Variants in CHRM3 observed in about 807,000 individuals in gnomAD.
The protein encoded by CHRM3 is cholinergic receptor muscarinic 3.
In CHRM3, 11 loss-of-function variants were observed where a neutral mutation model predicts 41.8. That is an observed-to-expected ratio of 0.26 (90% CI 0.17 to 0.44). The LOEUF (loss-of-function observed/expected upper bound fraction) is 0.44. CHRM3 is among the 20% of genes least tolerant of loss of function. CHRM3 has a pLI of 1.00. For synonymous variants in CHRM3, 297 were observed against 301.4 expected, an observed-to-expected ratio of 0.99 and a Z score of 0.15; for missense variants, 571 against 745.4, an observed-to-expected ratio of 0.77 and a Z score of 2.72.
chr1:239,797,391 A>C (rs1669872211), intron 5 of CHRM3, among the ~76,000 whole-genome samples: 1 of 150,534 alleles, frequency 6.6e-6, no homozygotes, highest in African/African-American at 2.5e-5. Context: ...ATAAAATAAA[A>C]GGGATACTCA....
chr1:239,773,969 T>G (rs957293882), intron 5 of CHRM3, among the ~76,000 whole-genome samples: 11 of 152,162 alleles, frequency 7.2e-5, no homozygotes, highest in Admixed American at 1.3e-4. Context: ...ACAGGAAGAT[T>G]CTACTGTGTT....
At chr1:239,424,149 G>T (rs929659220) in intron 1 of CHRM3, among the ~76,000 whole-genome samples, 2 of 151,530 alleles carry the variant, frequency 1.3e-5, no homozygotes, top group Admixed American at 1.3e-4. Flanking sequence ...TTTTAGTTGC[G>T]CAATGTGCTT....
chr1:239,733,137 T>C (rs1664102192), intron 5 of CHRM3, among the ~76,000 whole-genome samples: 1 of 152,074 alleles, frequency 6.6e-6, no homozygotes, highest in African/African-American at 2.4e-5. Flanking sequence ...CTTCTGTTTC[T>C]TGGTCATTTA....
rs376434592 is a variant in CHRM3, at chr1:239,551,704, G to A, written c.-313+5955G>A. ...CTAAAACAGTGTTTTAACACATGAC[G>A]CCCATCTTTGTTGCTTGCTGTAGAC... On this transcript the variant is annotated intron_variant, in intron 3 of 6. Transcript: ENST00000676153. Among the ~76,000 whole-genome samples, 6 of 152,178 alleles carry A rather than the reference G, an allele frequency of 3.9e-5. No individual in the cohort carries two copies. The East Asian group carries it at 5.8e-4, about 15-fold the overall frequency.
intron 6 of CHRM3, among the ~76,000 whole-genome samples, chr1:239,853,367 C>T (rs1340310203): frequency 1.3e-5 from 2 of 151,804 alleles, no homozygotes; most frequent in East Asian, 3.9e-4. Context: ...TAAAGTAAAT[C>T]CAACATCTTG....
intron 3 of CHRM3, among the ~76,000 whole-genome samples, chr1:239,601,918 C>G (rs2148692234): frequency 6.6e-6 from 1 of 151,940 alleles, no homozygotes; most frequent in South Asian, 2.1e-4. Flanking sequence ...CGTCTTTCAT[C>G]TCACGATACC....
At chr1:239,584,108 CTTTTT>C (rs769127124) in intron 3 of CHRM3, among the ~76,000 whole-genome samples, 44 of 124,418 alleles carry the variant, frequency 3.5e-4, no homozygotes, top group African/African-American at 1.3e-3. Context: ...TCTTCTTCTT[CTTTTT>C]TTTTTTTTTT....
At chr1:239,702,849 G>C (rs1660811574) in intron 5 of CHRM3, among the ~76,000 whole-genome samples, 1 of 152,178 alleles carries the variant, frequency 6.6e-6, no homozygotes. Context: ...AAAGAAAGTA[G>C]CCTGTTACAG....
At chr1:239,729,128 C>A (rs56660001) in intron 5 of CHRM3, among the ~76,000 whole-genome samples, 2 of 152,076 alleles carry the variant, frequency 1.3e-5, no homozygotes, top group African/African-American at 4.8e-5. Flanking sequence ...AAGGCAGGGA[C>A]ACAAAACTGT....
At chr1:239,477,902 A>G (rs12125436) in intron 1 of CHRM3, among the ~76,000 whole-genome samples, 23,323 of 152,162 alleles carry the variant, frequency 0.15, 2,363 homozygotes, top group Non-Finnish European at 0.2. Context: ...CTTTAAAGTA[A>G]CTGCTTAAAA....
intron 3 of CHRM3, among the ~76,000 whole-genome samples, chr1:239,576,602 A>G (rs1233167192): frequency 6.6e-6 from 1 of 150,722 alleles, no homozygotes; most frequent in African/African-American, 2.4e-5. Context: ...ACGCACACAC[A>G]CACACACACA....
At chr1:239,700,035 T>C (rs1389149937) in intron 5 of CHRM3, among the ~76,000 whole-genome samples, 2 of 152,194 alleles carry the variant, frequency 1.3e-5, no homozygotes, top group African/African-American at 4.8e-5. Flanking sequence ...AAAAGAAACC[T>C]GAATTCCTAT....
chr1:239,854,601 G>A (rs1674956381), intron 6 of CHRM3, among the ~76,000 whole-genome samples: 1 of 152,008 alleles, frequency 6.6e-6, no homozygotes, highest in Non-Finnish European at 1.5e-5. Flanking sequence ...CTGTGAAGAG[G>A]ATAAAGAGTT....
intron 6 of CHRM3, among the ~76,000 whole-genome samples, chr1:239,832,253 C>G (rs1353013507): frequency 6.6e-6 from 1 of 151,756 alleles, no homozygotes; most frequent in Non-Finnish European, 1.5e-5. Flanking sequence ...TTTGTTCTTC[C>G]TTTATAATTT....
chr1:239,633,377 G>C (rs1033253089), intron 4 of CHRM3, among the ~76,000 whole-genome samples: 5 of 152,230 alleles, frequency 3.3e-5, no homozygotes, highest in Non-Finnish European at 5.9e-5. Context: ...CATGATAACA[G>C]CATGGGGGAA....
chr1:239,868,370 A>C (rs1021777413), intron 6 of CHRM3, among the ~76,000 whole-genome samples: 5 of 152,172 alleles, frequency 3.3e-5, no homozygotes, highest in African/African-American at 1.2e-4. Flanking sequence ...CTGGACTGCC[A>C]CCCAGGGACC....
At chr1:239,513,885 C>T (rs12058126) in intron 2 of CHRM3, among the ~76,000 whole-genome samples, 4,333 of 152,078 alleles carry the variant, frequency 0.028, 108 homozygotes, top group African/African-American at 0.055. Flanking sequence ...TTTGTTGAAG[C>T]GATATCTTTG....
chr1:239,546,323 G>T (rs1311522888), intron 3 of CHRM3: 1 of 152,070 alleles, frequency 6.6e-6, no homozygotes, highest in African/African-American at 2.4e-5. Context: ...CATTTGAAAA[G>T]TGAAAGGAAT....
chr1:239,561,325 T>C (rs1424538316), intron 3 of CHRM3, among the ~76,000 whole-genome samples: 2 of 152,216 alleles, frequency 1.3e-5, no homozygotes, highest in Non-Finnish European at 2.9e-5. Flanking sequence ...CGGAGCCCTG[T>C]ATGGCCATTG....
Sources: gnomAD v4.1 joint callset for allele counts (sites outside exome capture counted in the v4.1 genomes callset) on GRCh38, gnomAD v4.1.1 for gene constraint, MANE v1.5 for transcripts, NCBI Gene and HGNC (gene_info 2026-07-23, HGNC 2026-07-21) for gene names.